PCDH9: variants seen among roughly 807,000 people sequenced by gnomAD.
The protein encoded by PCDH9 is protocadherin-9.
In PCDH9, 24 loss-of-function variants were observed where a neutral mutation model predicts 70.6. The ratio of observed to expected loss-of-function variants is 0.34; its 90% CI spans 0.25 to 0.48. PCDH9 has a LOEUF of 0.48. PCDH9 is among the 20% of genes least tolerant of loss of function. The pLI, the probability that PCDH9 is intolerant of heterozygous loss-of-function variation, is 0.99. For missense variants in PCDH9, 1,281 were observed against 1,503.6 expected (o/e 0.85, Z 2.45); for synonymous variants, 562 against 558.5 (o/e 1.01, Z -0.09).
At chr13:67,175,821 T>C (rs1420687281) in intron 2 of PCDH9, among the ~76,000 whole-genome samples, 1 of 152,148 alleles carries the variant, frequency 6.6e-6, no homozygotes, top group Non-Finnish European at 1.5e-5. Flanking sequence ...TATGATCTAC[T>C]TACCTCTATA....
intron 4 of PCDH9, among the ~76,000 whole-genome samples, chr13:66,324,989 G>C (rs1477459290): frequency 6.6e-6 from 1 of 151,320 alleles, no homozygotes; most frequent in Non-Finnish European, 1.5e-5. Flanking sequence ...TAGCAATCTA[G>C]ATCTAAAATA....
chr13:66,432,100 G>T (rs190635897), intron 4 of PCDH9, among the ~76,000 whole-genome samples: 87 of 152,026 alleles, frequency 5.7e-4, no homozygotes, highest in Middle Eastern at 3.4e-3. Context: ...GCTAAACTGG[G>T]TATATTTAAA....
At chr13:66,469,968 C>T (rs1294216831) in intron 4 of PCDH9, among the ~76,000 whole-genome samples, 1 of 152,178 alleles carries the variant, frequency 6.6e-6, no homozygotes, top group African/African-American at 2.4e-5. Flanking sequence ...ATTACACTGT[C>T]TGCTTGTCTT....
At chr13:66,543,541 T>A (rs1726478184) in intron 4 of PCDH9, among the ~76,000 whole-genome samples, 1 of 151,118 alleles carries the variant, frequency 6.6e-6, no homozygotes, top group Non-Finnish European at 1.5e-5. Context: ...CACTCCAGCC[T>A]GGGAGACAGA....
In PCDH9 at chr13:66,458,261, T is replaced by C. The variant is rs185160098; in HGVS notation, c.3341-153233A>G. On this transcript the variant is annotated intron_variant, in intron 4 of 4. Coordinates refer to ENST00000377865, the MANE Select transcript of PCDH9 (RefSeq NM_203487.3). ...TAAGTAGATTTCTGGTCATTTTAGA[T>C]CATAATTTTATTCTTATTTACTTAA... Among the ~76,000 whole-genome samples, 24 of 152,164 alleles carry C rather than the reference T, an allele frequency of 1.6e-4. No homozygotes were observed. In the East Asian group the frequency reaches 4.3e-3, roughly 27 times the overall value.
In PCDH9 at chr13:66,666,291, G is replaced by A. The variant is rs1593861695; in HGVS notation, c.3139-34880C>T. Among the ~76,000 whole-genome samples the A allele has an allele frequency of 1.3e-5, 2 of 152,298 alleles. 1 individual carries two copies. Among genetic ancestry groups the A allele is most frequent in the South Asian group, 4.2e-4 (2 of 4,814 alleles). ...TGGAGGCCCTGGGACACTCCATGGT[G>A]CACAGGCAGCAAGGGAAGTCCTGGT... On this transcript the variant is annotated intron_variant, in intron 3 of 4. Transcript: ENST00000377865.
intron 2 of PCDH9, among the ~76,000 whole-genome samples, chr13:66,971,698 T>A (rs959775262): frequency 3.3e-5 from 5 of 151,960 alleles, no homozygotes; most frequent in Non-Finnish European, 1.5e-5. Context: ...TTCAGAGGTA[T>A]CCTTGAACAT....
intron 3 of PCDH9, among the ~76,000 whole-genome samples, chr13:66,769,618 A>G (rs139523228): frequency 6.6e-6 from 1 of 152,230 alleles, no homozygotes; most frequent in Non-Finnish European, 1.5e-5. Context: ...CTGCTTTGCA[A>G]TTAGAAATCC....
intron 2 of PCDH9, among the ~76,000 whole-genome samples, chr13:67,092,912 T>C (rs1003224062): frequency 4.9e-4 from 70 of 143,192 alleles, no homozygotes; most frequent in African/African-American, 1.5e-3. Context: ...TGAACTGGAA[T>C]TGCAGCTTTT....
chr13:66,758,596 T>G (rs954522706), intron 3 of PCDH9, among the ~76,000 whole-genome samples: 2 of 152,036 alleles, frequency 1.3e-5, no homozygotes, highest in African/African-American at 4.8e-5. Flanking sequence ...TTTGGTTGTG[T>G]TTTTGTCTGG....
chr13:66,754,569 A>G (rs74093196), intron 3 of PCDH9, among the ~76,000 whole-genome samples: 2,223 of 152,226 alleles, frequency 0.015, 65 homozygotes, highest in African/African-American at 0.051. Context: ...ATACATCAGG[A>G]TATACCTAAT....
intron 3 of PCDH9, among the ~76,000 whole-genome samples, chr13:66,841,457 C>G (rs1240994866): frequency 6.6e-6 from 1 of 151,960 alleles, no homozygotes; most frequent in African/African-American, 2.4e-5. Flanking sequence ...TAGTTAAGAT[C>G]AAGGGATATA....
At chr13:66,797,735 T>A (rs1349840012) in intron 3 of PCDH9, among the ~76,000 whole-genome samples, 4 of 152,100 alleles carry the variant, frequency 2.6e-5, no homozygotes, top group African/African-American at 9.7e-5. Context: ...TATGTGCATT[T>A]AAATAAAAAC....
At chr13:67,223,906 G>A (rs1199449188) in intron 2 of PCDH9, 1 of 152,072 alleles carries the variant, frequency 6.6e-6, no homozygotes, top group Non-Finnish European at 1.5e-5. Flanking sequence ...TATACTTGAT[G>A]TTCTGGGAGT....
intron 2 of PCDH9, among the ~76,000 whole-genome samples, chr13:66,999,297 T>C (rs2084188838): frequency 6.6e-6 from 1 of 152,088 alleles, no homozygotes; most frequent in Admixed American, 6.6e-5. Flanking sequence ...AGTAGAAATA[T>C]TGATAATAGA....
At chr13:66,951,177 A>G (rs1171162498) in intron 2 of PCDH9, among the ~76,000 whole-genome samples, 1 of 152,162 alleles carries the variant, frequency 6.6e-6, no homozygotes, top group African/African-American at 2.4e-5. Flanking sequence ...TTAAGTACAC[A>G]TTTATTTCTC....
chr13:66,382,045 C>T (rs777420624), intron 4 of PCDH9, among the ~76,000 whole-genome samples: 11 of 151,138 alleles, frequency 7.3e-5, no homozygotes, highest in Non-Finnish European at 1.5e-4. Flanking sequence ...ACAGGTTAGA[C>T]GTTCCAATGA....
chr13:66,497,134 C>A (rs1014274543), intron 4 of PCDH9, among the ~76,000 whole-genome samples: 1 of 151,658 alleles, frequency 6.6e-6, no homozygotes, highest in African/African-American at 2.4e-5. Context: ...ATGGCGGGAT[C>A]TTGGCTCACT....
intron 3 of PCDH9, among the ~76,000 whole-genome samples, chr13:66,898,649 G>T (rs367662481): frequency 6.6e-6 from 1 of 151,768 alleles, no homozygotes; most frequent in Non-Finnish European, 1.5e-5. Flanking sequence ...AAGGTGTGTC[G>T]TATAATATTC....
Sources: gnomAD v4.1 joint callset for allele counts (sites outside exome capture counted in the v4.1 genomes callset) on GRCh38, gnomAD v4.1.1 for gene constraint, MANE v1.5 for transcripts, NCBI Gene and HGNC (gene_info 2026-07-23, HGNC 2026-07-21) for gene names.